Variants in EML6 observed in about 807,000 individuals in gnomAD.
The protein encoded by EML6 is echinoderm microtubule-associated protein-like 6.
In EML6, 154 loss-of-function variants were observed where a neutral mutation model predicts 240.1. That is an observed-to-expected ratio of 0.64 (90% confidence interval 0.56 to 0.73). The LOEUF is 0.73. Among genes scored for constraint, EML6 ranks in the 30% least tolerant of loss-of-function variants. The pLI is 0.00. For missense variants in EML6, 2,964 were observed against 2,474.6 expected (o/e 1.20, Z -4.20); for synonymous variants, 1,148 against 899.0 (o/e 1.28, Z -4.95).
chr2:54,925,004 T>C (rs752441793), intron 26 of EML6, among the ~76,000 whole-genome samples: 75 of 152,380 alleles, frequency 4.9e-4, no homozygotes, highest in Non-Finnish European at 9.0e-4. Context: ...TTATCTGTTA[T>C]GAACTTGAAT....
At chr2:54,956,018 C>CCT (rs111882743) in intron 32 of EML6, among the ~76,000 whole-genome samples, 1 of 150,190 alleles carries the variant, frequency 6.7e-6, no homozygotes, top group African/African-American at 2.4e-5. Context: ...TTTTGGGGAA[C>CCT]GTGTGTGTGT....
At position 54,837,665 on chromosome 2, in the gene EML6, C is replaced by T. The variant is rs542268113; in HGVS notation, c.848-6382C>T. Among the ~76,000 whole-genome samples, 6 of 152,290 alleles carry T rather than the reference C, an allele frequency of 3.9e-5. No homozygotes were observed. The South Asian group carries it at 8.3e-4, about 21-fold the overall frequency. ...CCACTGCATTAGAATCAGCTGGTGA[C>T]CTGCTGGGCACTCTGAATTTTCAAC... is the stretch of plus-strand genomic sequence containing the variant. On this transcript the variant is annotated intron_variant, in intron 7 of 41. Transcript: ENST00000356458.
At chr2:54,881,422 A>AG (rs1671801750) in intron 17 of EML6, 1 of 152,102 alleles carries the variant, frequency 6.6e-6, no homozygotes, top group Non-Finnish European at 1.5e-5. Context: ...TGTGAGGCTG[A>AG]GGTGGGCGGA....
At chr2:54,790,424 T>G (rs1669370086) in intron 2 of EML6, among the ~76,000 whole-genome samples, 1 of 152,198 alleles carries the variant, frequency 6.6e-6, no homozygotes, top group Non-Finnish European at 1.5e-5. Context: ...TACTCTGAAT[T>G]GCAGAGTAAG....
At chr2:54,771,613 A>G (rs1406164905) in intron 2 of EML6, among the ~76,000 whole-genome samples, 1 of 152,244 alleles carries the variant, frequency 6.6e-6, no homozygotes, top group African/African-American at 2.4e-5. Flanking sequence ...TTCCTTCTAT[A>G]AAATGGTAGC....
At chr2:54,763,851 G>C (rs767076371) in intron 2 of EML6, among the ~76,000 whole-genome samples, 1 of 152,192 alleles carries the variant, frequency 6.6e-6, no homozygotes, top group Non-Finnish European at 1.5e-5. Flanking sequence ...TGGCTCTGAT[G>C]CTGCCTTCAG....
chr2:54,891,548 C>G (rs1672468119), intron 18 of EML6, among the ~76,000 whole-genome samples: 1 of 152,118 alleles, frequency 6.6e-6, no homozygotes, highest in Admixed American at 6.5e-5. Flanking sequence ...GAATTAAACC[C>G]TGAGTCTGCC....
chr2:54,870,168 G>A (rs1671177114), intron 15 of EML6, among the ~76,000 whole-genome samples: 1 of 152,202 alleles, frequency 6.6e-6, no homozygotes, highest in Non-Finnish European at 1.5e-5. Flanking sequence ...CATGAGACAA[G>A]CCCTTTTCCT....
intron 17 of EML6, among the ~76,000 whole-genome samples, chr2:54,886,157 C>CTTTTTTTTTTTTTTTTTTT (rs1558650389): frequency 8.7e-6 from 1 of 115,236 alleles, no homozygotes; most frequent in Non-Finnish European, 1.8e-5. Flanking sequence ...TTTTTTTAAC[C>CTTTTTTTTTTTTTTTTTTT]TTCTTTTTTT....
Position 54,857,741 on chromosome 2 carries a change from GGA to G in EML6, c.1658-1787_1658-1786del, listed in dbSNP as rs371256292. Among the ~76,000 whole-genome samples, 92 of 152,236 alleles carry G rather than the reference GGA, an allele frequency of 6.0e-4. 1 individual carries two copies. In the South Asian group the frequency reaches 0.018, roughly 31 times the overall value. ...AGGATCCAGCTGTTCAGATATCTAG[GGA>G]GAGAGCACTTCAGACAGAGGAAACA... On this transcript the variant is annotated intron_variant, in intron 11 of 41. Coordinates refer to ENST00000356458, the MANE Select transcript of EML6 (RefSeq NM_001039753.4).
chr2:54,860,672 G>A (rs372069518), intron 12 of EML6, among the ~76,000 whole-genome samples: 3 of 151,824 alleles, frequency 2.0e-5, no homozygotes, highest in South Asian at 2.1e-4. Context: ...CTCCCACTTC[G>A]GGGAGCAGAG....
chr2:54,773,210 T>C (rs1484715138), intron 2 of EML6, among the ~76,000 whole-genome samples: 6 of 152,224 alleles, frequency 3.9e-5, no homozygotes, highest in Non-Finnish European at 8.8e-5. Flanking sequence ...ATATGAGAGA[T>C]ATTTTCTCTT....
chr2:54,853,459 G>C (rs1352517981), intron 10 of EML6, among the ~76,000 whole-genome samples, 184 bp from the exon 11 acceptor site: 2 of 151,550 alleles, frequency 1.3e-5, no homozygotes, highest in Non-Finnish European at 2.9e-5. Context: ...TTTAATGTCT[G>C]AGTTTTGAGT....
intron 3 of EML6, among the ~76,000 whole-genome samples, chr2:54,814,909 T>C (rs1668014396): frequency 6.6e-6 from 1 of 152,244 alleles, no homozygotes; most frequent in Non-Finnish European, 1.5e-5. Context: ...TATGGCTACA[T>C]AAAGAGATAA....
At chr2:54,848,598 C>A (rs993121038) in intron 9 of EML6, among the ~76,000 whole-genome samples, 1 of 151,222 alleles carries the variant, frequency 6.6e-6, no homozygotes, top group Non-Finnish European at 1.5e-5. Flanking sequence ...CACCATAATG[C>A]TATTAATAAA....
At chr2:54,849,253 T>C (rs1669938869) in intron 9 of EML6, among the ~76,000 whole-genome samples, 1 of 152,224 alleles carries the variant, frequency 6.6e-6, no homozygotes, top group South Asian at 2.1e-4. Flanking sequence ...ACCTTAAATA[T>C]TTTTTCTTTA....
chr2:54,828,253 A>T (rs1317691811), intron 6 of EML6, among the ~76,000 whole-genome samples: 2 of 152,220 alleles, frequency 1.3e-5, no homozygotes, highest in East Asian at 1.9e-4. Context: ...CACCAGTGTC[A>T]TGAGCTCTTA....
chr2:54,797,189 A>AAAAAAAG (rs1326558140), intron 2 of EML6, among the ~76,000 whole-genome samples: 1 of 138,800 alleles, frequency 7.2e-6, no homozygotes, highest in Non-Finnish European at 1.6e-5. Context: ...AAAAAAAAAA[A>AAAAAAAG]CTGTGATCTT....
chr2:54,961,192 T>TTTTTTTTTTTTTTTTTTTTTTTG lies in EML6; in HGVS notation c.4968+869_4968+870insTTTTTTTTTTTGTTTTTTTTTTT, dbSNP rs1558729640. On this transcript the variant is annotated intron_variant, in intron 35 of 41. Coordinates refer to ENST00000356458, the MANE Select transcript of EML6 (RefSeq NM_001039753.4). ...GAAGTTATCAGGAAGTAGTTTTTTTTTTTTTTTTTTTGAGACGGAGTCTTG... is the reference window on the plus strand; with the variant it reads ...GAAGTTATCAGGAAGTAGTTTTTTTTTTTTTTTTTTTTTTTTTTTTTTGTTTTTTTTTTTGAGACGGAGTCTTG... Among the ~76,000 whole-genome samples the TTTTTTTTTTTTTTTTTTTTTTTG allele has an allele frequency of 1.3e-4, 15 of 113,500 alleles. 4 individuals are homozygous for TTTTTTTTTTTTTTTTTTTTTTTG. Among genetic ancestry groups the TTTTTTTTTTTTTTTTTTTTTTTG allele is most frequent in the Admixed American group, 3.8e-4 (4 of 10,618 alleles). 74.5% of individuals were successfully genotyped at this position (113,500 alleles called of 152,430 possible).
Sources: gnomAD v4.1 joint callset for allele counts (sites outside exome capture counted in the v4.1 genomes callset) on GRCh38, gnomAD v4.1.1 for gene constraint, MANE v1.5 for transcripts, NCBI Gene and HGNC (gene_info 2026-07-23, HGNC 2026-07-21) for gene names.